EFCAB11: variants seen among roughly 807,000 people sequenced by gnomAD.
EFCAB11 encodes the protein EF-hand calcium binding domain 11, also known as EF-hand calcium-binding domain-containing protein 11.
Under a neutral mutation model 23.0 loss-of-function variants are expected in EFCAB11, and 14 were observed. That is an observed-to-expected ratio of 0.61 (90% CI 0.40 to 0.95). The LOEUF (loss-of-function observed/expected upper bound fraction) is 0.95. Ranked by LOEUF, EFCAB11 falls within the 40% of genes least tolerant of loss-of-function variation. EFCAB11 has a pLI of 0.00. For synonymous variants in EFCAB11, 65 were observed against 66.6 expected (o/e 0.98, Z 0.11); for missense variants, 198 against 195.8 (o/e 1.01, Z -0.07).
intron 5 of EFCAB11, among the ~76,000 whole-genome samples, chr14:89,870,288 A>G (rs921695545): frequency 7.9e-5 from 12 of 152,200 alleles, no homozygotes; most frequent in Non-Finnish European, 7.4e-5. Context: ...TTCATGATCT[A>G]TCTACTATCT....
Position 89,916,940 on chromosome 14 carries a change from C to A in EFCAB11, c.410+14601G>T, listed in dbSNP as rs533582689. 2.9e-4 allele frequency among the ~76,000 whole-genome samples: 44 copies of A among 152,164 alleles called. No individual in the cohort carries two copies. In the South Asian group the frequency reaches 8.7e-3, roughly 30 times the overall value. On this transcript the variant is annotated intron_variant, in intron 5 of 5. Coordinates refer to ENST00000316738, the MANE Select transcript of EFCAB11 (RefSeq NM_145231.4). ...TGTGTAGACATTTTTTGAGGTATGA[C>A]TGACAAAAAATTGTCTATATTTAAG...
chr14:89,940,633 T>C (rs1218024005), intron 3 of EFCAB11, among the ~76,000 whole-genome samples: 1 of 152,216 alleles, frequency 6.6e-6, no homozygotes, highest in African/African-American at 2.4e-5. Context: ...AGTAAGTTCC[T>C]GGAAAGCTTT....
intron 5 of EFCAB11, among the ~76,000 whole-genome samples, chr14:89,895,629 C>T (rs752337030): frequency 6.6e-6 from 1 of 152,130 alleles, no homozygotes; most frequent in Non-Finnish European, 1.5e-5. Flanking sequence ...TTCTCACACA[C>T]GCCCTATTCA....
intron 5 of EFCAB11, among the ~76,000 whole-genome samples, chr14:89,857,352 G>A (rs981617086): frequency 3.3e-5 from 5 of 152,190 alleles, no homozygotes; most frequent in Admixed American, 6.5e-5. Context: ...CATGACGCAC[G>A]AAGACGGAAA....
chr14:89,805,439 T>C (rs189628360), intron 5 of EFCAB11, among the ~76,000 whole-genome samples: 20 of 152,372 alleles, frequency 1.3e-4, no homozygotes, highest in Non-Finnish European at 1.9e-4. Flanking sequence ...CTAGGAATTT[T>C]GCTTGCAAGT....
intron 5 of EFCAB11, among the ~76,000 whole-genome samples, chr14:89,906,172 A>AAAAAT (rs1889491358): frequency 6.9e-6 from 1 of 145,068 alleles, no homozygotes; most frequent in Non-Finnish European, 1.5e-5. Context: ...TTAGAGCACT[A>AAAAAT]AAATAAATAA....
At chr14:89,832,607 C>T (rs1483335899) in intron 5 of EFCAB11, among the ~76,000 whole-genome samples, 2 of 152,272 alleles carry the variant, frequency 1.3e-5, no homozygotes, top group Non-Finnish European at 1.5e-5. Context: ...TTGTAAATAT[C>T]GTAAGCTGAA....
rs375606877 is a variant in EFCAB11 at position 89,857,961 on chromosome 14, C to T, written c.411-60637G>A. ...GCTTCTACTCATGGAGAAGAAACTA[C>T]ATAAATAACTTGGATCACAGATGCT... On this transcript the variant is annotated intron_variant, in intron 5 of 5. Coordinates refer to ENST00000316738, the MANE Select transcript of EFCAB11 (RefSeq NM_145231.4). Among the ~76,000 whole-genome samples, 10 of 152,282 alleles carry T rather than the reference C, an allele frequency of 6.6e-5. No individual in the cohort carries two copies. In the East Asian group the frequency reaches 1.7e-3, roughly 26 times the overall value.
intron 5 of EFCAB11, among the ~76,000 whole-genome samples, chr14:89,891,680 G>GACACAA (rs892810776): frequency 2.6e-5 from 4 of 151,972 alleles, no homozygotes; most frequent in Non-Finnish European, 4.4e-5. Flanking sequence ...CTCCATTTTA[G>GACACAA]ACACAAACAC....
At chr14:89,879,248 G>T (rs1015903066) in intron 5 of EFCAB11, among the ~76,000 whole-genome samples, 2 of 151,842 alleles carry the variant, frequency 1.3e-5, no homozygotes, top group African/African-American at 4.8e-5. Context: ...GCATTAGAAA[G>T]ACACCTTTTA....
intron 5 of EFCAB11, among the ~76,000 whole-genome samples, chr14:89,925,655 T>G (rs1890168463): frequency 6.6e-6 from 1 of 150,546 alleles, no homozygotes; most frequent in Non-Finnish European, 1.5e-5. Flanking sequence ...TTTCTTTTTT[T>G]TTTTTTTTGA....
chr14:89,887,209 A>C (rs1430114901), intron 5 of EFCAB11, among the ~76,000 whole-genome samples: 1 of 152,238 alleles, frequency 6.6e-6, no homozygotes, highest in Non-Finnish European at 1.5e-5. Context: ...GCTAACTGCT[A>C]TGAATGACAT....
chr14:89,931,283 C>T (rs1021722909), intron 5 of EFCAB11: 8 of 421,996 alleles, frequency 1.9e-5, no homozygotes, highest in Middle Eastern at 1.2e-3. Context: ...CTGTTCCTCT[C>T]CTGCCCCTAC....
intron 3 of EFCAB11, among the ~76,000 whole-genome samples, chr14:89,933,825 T>TG (rs1238948466): frequency 6.6e-6 from 1 of 152,174 alleles, no homozygotes; most frequent in African/African-American, 2.4e-5. Flanking sequence ...GTGAAAAAGA[T>TG]TCACAGGAAT....
chr14:89,950,881 ACTT>A (rs1891142162), intron 2 of EFCAB11, among the ~76,000 whole-genome samples: 1 of 151,808 alleles, frequency 6.6e-6, no homozygotes, highest in African/African-American at 2.4e-5. Context: ...TCCCACTCCC[ACTT>A]CTTCAAGTCC....
intron 5 of EFCAB11, among the ~76,000 whole-genome samples, chr14:89,813,244 G>A (rs540246472): frequency 1.3e-5 from 2 of 152,214 alleles, no homozygotes; most frequent in East Asian, 3.9e-4. Flanking sequence ...TAGGCAATTG[G>A]GTAAGAAGAA....
At chr14:89,861,383 G>A (rs1241603708) in intron 5 of EFCAB11, among the ~76,000 whole-genome samples, 3 of 152,136 alleles carry the variant, frequency 2.0e-5, no homozygotes, top group East Asian at 1.9e-4. Context: ...GCCTTCACAT[G>A]TCTACCTCCT....
chr14:89,948,361 G>A (rs1891050432), intron 3 of EFCAB11, among the ~76,000 whole-genome samples: 2 of 152,104 alleles, frequency 1.3e-5, no homozygotes, highest in African/African-American at 4.8e-5. Flanking sequence ...TGGAGAAAAG[G>A]GAGCTCTTAT....
intron 3 of EFCAB11, among the ~76,000 whole-genome samples, chr14:89,935,021 T>C (rs1219487853): frequency 6.6e-6 from 1 of 152,234 alleles, no homozygotes; most frequent in Non-Finnish European, 1.5e-5. Context: ...CTGCCTGGAA[T>C]AATGCACTTT....
Sources: allele counts gnomAD v4.1 joint callset (sites outside exome capture counted in the v4.1 genomes callset), GRCh38; gene constraint gnomAD v4.1.1; transcripts MANE v1.5; gene names NCBI Gene and HGNC (gene_info 2026-07-23, HGNC 2026-07-21).